RBFOX1: variants seen among roughly 807,000 people sequenced by gnomAD.
RBFOX1 encodes RNA binding fox-1 homolog 1.
RBFOX1 carries 8 observed loss-of-function variants against 57.7 expected under a neutral mutation model. The ratio of observed to expected loss-of-function variants is 0.14; its 90% CI spans 0.08 to 0.25. The LOEUF (loss-of-function observed/expected upper bound fraction) is 0.25. Ranked by LOEUF, RBFOX1 falls within the 10% of genes least tolerant of loss-of-function variation. RBFOX1 has a pLI of 1.00. For missense variants in RBFOX1, 611 were observed against 548.5 expected (o/e 1.11, Z -1.14); for synonymous variants, 326 against 222.4 (o/e 1.47, Z -4.15).
chr16:6,887,687 G>T (rs1435430621), intron 3 of RBFOX1, among the ~76,000 whole-genome samples: 1 of 149,142 alleles, frequency 6.7e-6, no homozygotes, highest in Non-Finnish European at 1.5e-5. Context: ...TTTTGAGGCA[G>T]AGTCTCACTC....
chr16:7,257,215 C>T (rs1297279474), intron 4 of RBFOX1, among the ~76,000 whole-genome samples: 1 of 152,152 alleles, frequency 6.6e-6, no homozygotes, highest in South Asian at 2.1e-4. Flanking sequence ...ATCTTCCCAT[C>T]CCCGGGGTCA....
chr16:6,319,012 G>A (rs918496914), intron 2 of RBFOX1, among the ~76,000 whole-genome samples: 2 of 151,956 alleles, frequency 1.3e-5, no homozygotes, highest in Non-Finnish European at 2.9e-5. Context: ...CTGGGACGTC[G>A]CCTGGTTATC....
intron 1 of RBFOX1, among the ~76,000 whole-genome samples, chr16:6,270,356 A>G (rs187039335): frequency 1.3e-5 from 2 of 151,856 alleles, no homozygotes; most frequent in East Asian, 3.9e-4. Flanking sequence ...ATTTAATAGT[A>G]TAGGTAGACT....
At chr16:6,822,450 A>G (rs2091467601) in intron 3 of RBFOX1, among the ~76,000 whole-genome samples, 2 of 152,226 alleles carry the variant, frequency 1.3e-5, no homozygotes, top group Admixed American at 1.3e-4. Flanking sequence ...TGTAACTTGG[A>G]GGAACTTTCA....
At chr16:5,814,060 A>G (rs1465301543) in intron 3 of RBFOX1, among the ~76,000 whole-genome samples, 2 of 152,214 alleles carry the variant, frequency 1.3e-5, no homozygotes, top group African/African-American at 2.4e-5. Context: ...TATTATTACT[A>G]ATGTCAGTGA....
intron 3 of RBFOX1, among the ~76,000 whole-genome samples, chr16:6,954,286 A>G (rs545202062): frequency 9.2e-5 from 14 of 152,238 alleles, no homozygotes; most frequent in South Asian, 8.3e-4. Context: ...CATCTCGCCA[A>G]TTTTGACAGT....
intron 4 of RBFOX1, among the ~76,000 whole-genome samples, chr16:5,880,465 C>T (rs899791921): frequency 6.6e-6 from 1 of 152,224 alleles, no homozygotes; most frequent in Non-Finnish European, 1.5e-5. Flanking sequence ...GAATTTATTA[C>T]TTTCAGCCAG....
intron 1 of RBFOX1, among the ~76,000 whole-genome samples, chr16:6,150,423 G>C (rs1427712240): frequency 1.3e-5 from 2 of 152,052 alleles, no homozygotes; most frequent in Non-Finnish European, 2.9e-5. Context: ...CAGGTGAGAA[G>C]TGGAGCTCTA....
chr16:6,903,452 A>C (rs2068974066), intron 3 of RBFOX1, among the ~76,000 whole-genome samples: 1 of 152,310 alleles, frequency 6.6e-6, no homozygotes, highest in Admixed American at 6.5e-5. Context: ...ATCATTGCTT[A>C]TCTGTCTTTG....
intron 1 of RBFOX1, among the ~76,000 whole-genome samples, chr16:6,036,444 T>G (rs1041676053): frequency 1.1e-4 from 17 of 152,086 alleles, no homozygotes; most frequent in African/African-American, 1.9e-4. Flanking sequence ...AAAACTCCCA[T>G]GGAATTGTGT....
intron 4 of RBFOX1, among the ~76,000 whole-genome samples, chr16:7,356,538 G>A (rs1474964350): frequency 2.6e-5 from 4 of 152,134 alleles, no homozygotes. Flanking sequence ...TAGGTGGGGG[G>A]CCGATTGAGG....
At chr16:6,920,310 C>G (rs1471183312) in intron 3 of RBFOX1, among the ~76,000 whole-genome samples, 3 of 152,156 alleles carry the variant, frequency 2.0e-5, no homozygotes, top group African/African-American at 4.8e-5. Flanking sequence ...ATTGCTGGAT[C>G]AAACGGTAGT....
intron 2 of RBFOX1, among the ~76,000 whole-genome samples, chr16:6,463,994 G>C (rs2094981658): frequency 6.6e-6 from 1 of 152,158 alleles, no homozygotes; most frequent in Admixed American, 6.5e-5. Flanking sequence ...AAGAGGGGCT[G>C]ACCATTTGAT....
chr16:5,883,029 C>G (rs894912297), intron 4 of RBFOX1, among the ~76,000 whole-genome samples: 1 of 152,134 alleles, frequency 6.6e-6, no homozygotes, highest in Admixed American at 6.5e-5. Context: ...AGACCCTGCT[C>G]TTAGGATCTC....
intron 4 of RBFOX1, among the ~76,000 whole-genome samples, chr16:7,055,568 G>A (rs1158437426): frequency 6.6e-6 from 1 of 152,098 alleles, no homozygotes. Context: ...CACACGTCTT[G>A]CATTTTACTG....
chr16:5,662,726 T>A (rs1328335155), intron 3 of RBFOX1, among the ~76,000 whole-genome samples: 1 of 152,144 alleles, frequency 6.6e-6, no homozygotes, highest in Non-Finnish European at 1.5e-5. Flanking sequence ...AACACAGCAG[T>A]AGGGGGTGGA....
intron 4 of RBFOX1, among the ~76,000 whole-genome samples, chr16:5,934,048 T>G (rs1395445426): frequency 2.0e-5 from 3 of 152,190 alleles, no homozygotes; most frequent in Non-Finnish European, 4.4e-5. Flanking sequence ...ACATTTGGGG[T>G]TTCTGCTCCT....
At chr16:7,504,755 TTATATATA>T (rs1225848111) in intron 4 of RBFOX1, among the ~76,000 whole-genome samples, 1 of 10,000 alleles carries the variant, frequency 1.0e-4, no homozygotes, top group Admixed American at 1.1e-3. Flanking sequence ...ATATATATAT[TTATATATA>T]TATATATTTA....
chr16:6,872,272 C>G (rs950599657), intron 3 of RBFOX1, among the ~76,000 whole-genome samples: 4 of 152,144 alleles, frequency 2.6e-5, no homozygotes, highest in Non-Finnish European at 4.4e-5. Context: ...ACACATCTAT[C>G]CAGTTGGATA....
Sources: gnomAD v4.1 joint callset for allele counts (sites outside exome capture counted in the v4.1 genomes callset) on GRCh38, gnomAD v4.1.1 for gene constraint, MANE v1.5 for transcripts, NCBI Gene and HGNC (gene_info 2026-07-23, HGNC 2026-07-21) for gene names.